Variants in TEX2 observed in about 807,000 individuals in gnomAD.
TEX2 encodes the protein testis-expressed protein 2.
TEX2 carries 53 observed loss-of-function variants against 106.9 expected under a neutral mutation model. That is an observed-to-expected ratio of 0.50 (90% CI 0.40 to 0.62). The LOEUF is 0.62. TEX2 is among the 20% of genes least tolerant of loss of function. TEX2 has a pLI of 0.00. For synonymous variants in TEX2, 523 were observed against 534.8 expected, an observed-to-expected ratio of 0.98 and a Z score of 0.30; for missense variants, 1,207 against 1,379.0, an observed-to-expected ratio of 0.88 and a Z score of 1.98.
At chr17:64,150,519 A>C in intron 11 of TEX2, 1 of 166,162 alleles carries the variant, frequency 6.0e-6, no homozygotes, top group Admixed American at 6.4e-5. Flanking sequence ...GAGTTGGGCA[A>C]GGCCAGGCCT....
At chr17:64,164,213 G>A (rs926655642) in intron 7 of TEX2, among the ~76,000 whole-genome samples, 11 of 152,062 alleles carry the variant, frequency 7.2e-5, no homozygotes, top group African/African-American at 1.4e-4. Flanking sequence ...TGAGGCAGGC[G>A]GATCACTTGA....
chr17:64,156,467 A>C lies in TEX2; in HGVS notation c.2805-1500T>G, dbSNP rs1250591425. On this transcript the variant is annotated intron_variant, in intron 8 of 11. Transcript: ENST00000584379. ...GTAACTGAGTCTTCCTCCTTCCACCAGAGGCCTGGCTGGTCCAGGAAATGC... is the reference window on the plus strand; with the variant it reads ...GTAACTGAGTCTTCCTCCTTCCACCCGAGGCCTGGCTGGTCCAGGAAATGC... Among the ~76,000 whole-genome samples, 2 of 152,204 alleles carry C rather than the reference A, an allele frequency of 1.3e-5. 1 individual carries two copies. Among genetic ancestry groups the C allele is most frequent in the Non-Finnish European group, 2.9e-5 (2 of 68,028 alleles).
rs2032048657 is a variant in TEX2 at position 64,185,709 on chromosome 17, G to C, written c.2424+2459C>G. On this transcript the variant is annotated intron_variant, in intron 5 of 11. Coordinates refer to ENST00000584379, the MANE Select transcript of TEX2 (RefSeq NM_001288732.2). This position sits in a 1 kb window ranked among gnomAD's most constrained non-coding sequence, Gnocchi z 4.0. ...AGGCCGAGGAGAGTGGATCACCAGA[G>C]GTCAGGAGTTCAAGACCAGCCTGGC... Among the ~76,000 whole-genome samples, 1 of 152,174 alleles carries C rather than the reference G, an allele frequency of 6.6e-6. No individual in the cohort carries two copies. The highest frequency in any genetic ancestry group is 2.1e-4 in the South Asian group (1 of 4,832).
At chr17:64,229,795 T>G (rs1206653525) in intron 1 of TEX2, among the ~76,000 whole-genome samples, 2 of 152,220 alleles carry the variant, frequency 1.3e-5, no homozygotes, top group African/African-American at 4.8e-5. Flanking sequence ...AAGCATTGAA[T>G]TTATTCCCTT....
At chr17:64,152,039 G>A (rs2030382411) in intron 10 of TEX2, among the ~76,000 whole-genome samples, 1 of 152,090 alleles carries the variant, frequency 6.6e-6, no homozygotes, top group African/African-American at 2.4e-5. Flanking sequence ...TAAATGGTTA[G>A]TCAATTCAAA....
intron 1 of TEX2, among the ~76,000 whole-genome samples, chr17:64,251,921 T>C (rs1555637048): frequency 6.6e-6 from 1 of 151,964 alleles, no homozygotes; most frequent in African/African-American, 2.4e-5. Flanking sequence ...CTGATGGCAG[T>C]GAGGGAGGTC....
Position 64,192,385 on chromosome 17 carries a change from G to A in TEX2, c.2176+1174C>T, listed in dbSNP as rs2032331185. ...TGACAGACAATGCCATGTGATGATAGGCCAGTGTGGAGTGATGCGGCTGCG... is the reference window on the plus strand; with the variant it reads ...TGACAGACAATGCCATGTGATGATAAGCCAGTGTGGAGTGATGCGGCTGCG... On this transcript the variant is annotated intron_variant, in intron 4 of 11. Transcript: ENST00000584379. 2.0e-5 allele frequency among the ~76,000 whole-genome samples: 3 copies of A among 152,322 alleles called. No individual in the cohort carries two copies. The South Asian group carries it at 6.2e-4, about 32-fold the overall frequency.
Position 64,213,563 on chromosome 17 carries a change from T to C in TEX2, c.655A>G (p.Lys219Glu). 5 of 1,614,138 alleles carry C rather than the reference T, an allele frequency of 3.1e-6. No individual in the cohort carries two copies. The highest frequency in any genetic ancestry group is 4.2e-6 in the Non-Finnish European group (5 of 1,180,016). ...RHRHLMKTLV[K>E]SLSTDTSRQE... is the part of the protein sequence containing the mutation. ...CGGGAAGTGTCCGTGGACAGAGACTTGACTAATGTCTTCATCAAGTGCCTG... is the reference window on the plus strand; with the variant it reads ...CGGGAAGTGTCCGTGGACAGAGACTCGACTAATGTCTTCATCAAGTGCCTG... The change falls in exon 2 of 12, where the codon AAG (lysine) becomes GAG (glutamate). Residue 219 changes from lysine to glutamate, a missense_variant. Lys to Glu is a moderately conservative substitution (Grantham distance 56). This residue lies in a region of TEX2 where 1,067 missense variants were observed against 1,193.6 expected (regional missense o/e 0.89). Transcript: ENST00000584379. The surrounding 1 kb of genome is among the most constrained non-coding windows in gnomAD (Gnocchi z 4.4).
intron 7 of TEX2, among the ~76,000 whole-genome samples, chr17:64,167,653 T>C (rs574144804): frequency 2.6e-5 from 4 of 152,182 alleles, no homozygotes; most frequent in African/African-American, 9.6e-5. Context: ...ACCCCCTCTC[T>C]ACTAAAAATA....
Position 64,177,371 on chromosome 17 carries a change from G to T in TEX2, c.2525C>A (p.Ser842Tyr), listed in dbSNP as rs772092371. 6.2e-7 allele frequency: 1 copy of T among 1,614,200 alleles called. No homozygotes were observed. The highest frequency in any genetic ancestry group is 8.5e-7 in the Non-Finnish European group (1 of 1,180,024). The part of the protein sequence containing the change: ...FWDFLGEKYW[S>Y]DLVSKKIQMK... ...TTGGATCTTCTTAGACACCAGATCAGACCAGTATTTCTCTCCTAAGAAGTC... is the reference window on the plus strand; with the variant it reads ...TTGGATCTTCTTAGACACCAGATCATACCAGTATTTCTCTCCTAAGAAGTC... The change falls in exon 6 of 12, where the codon TCT becomes TAT. Residue 842 changes from serine (S) to tyrosine (Y), a missense_variant. By Grantham distance (144) the Ser-to-Tyr change is moderately radical. Transcript: ENST00000584379.
intron 7 of TEX2, 72 bp from the exon 8 acceptor site, chr17:64,161,005 T>A: frequency 2.0e-6 from 3 of 1,507,668 alleles, no homozygotes; most frequent in South Asian, 1.2e-5. Flanking sequence ...GACTTACATT[T>A]AAAAATATCT....
At chr17:64,181,418 G>C (rs1315472904) in intron 5 of TEX2, among the ~76,000 whole-genome samples, 4 of 142,234 alleles carry the variant, frequency 2.8e-5, no homozygotes, top group Non-Finnish European at 6.0e-5. Flanking sequence ...AGAGGTTGCA[G>C]TGGGCCGAGA....
At chr17:64,235,157 T>G (rs1439140074) in intron 1 of TEX2, among the ~76,000 whole-genome samples, 2 of 152,238 alleles carry the variant, frequency 1.3e-5, no homozygotes, top group Admixed American at 1.3e-4. Flanking sequence ...CTATCTCATC[T>G]AAGCCTCACA....
chr17:64,238,322 A>G (rs1313660630), intron 1 of TEX2, among the ~76,000 whole-genome samples: 2 of 152,210 alleles, frequency 1.3e-5, no homozygotes, highest in African/African-American at 4.8e-5. Flanking sequence ...AAATAAAACT[A>G]AAATAAGACC....
At chr17:64,168,901 G>GATTTTTT in intron 7 of TEX2, among the ~76,000 whole-genome samples, 1 of 35,240 alleles carries the variant, frequency 2.8e-5, no homozygotes, top group South Asian at 7.8e-4. Flanking sequence ...CATAGATGGT[G>GATTTTTT]CTTTTTTTTT....
chr17:64,231,420 C>T (rs1555634582), intron 1 of TEX2, among the ~76,000 whole-genome samples: 1 of 152,200 alleles, frequency 6.6e-6, no homozygotes, highest in East Asian at 1.9e-4. Context: ...AACTCTGAGG[C>T]TGACTAAAGG....
chr17:64,248,569 T>G (rs1748005941), intron 1 of TEX2, among the ~76,000 whole-genome samples: 1 of 152,250 alleles, frequency 6.6e-6, no homozygotes, highest in Admixed American at 6.5e-5. Flanking sequence ...TAGCCTATTT[T>G]ATAAGCCTTT....
intron 7 of TEX2, among the ~76,000 whole-genome samples, chr17:64,162,549 C>T (rs1054705439): frequency 9.9e-5 from 15 of 152,196 alleles, no homozygotes; most frequent in African/African-American, 3.6e-4. Flanking sequence ...CAGAATTATA[C>T]TTCTTACAAA....
At chr17:64,249,038 G>T (rs868948178) in intron 1 of TEX2, among the ~76,000 whole-genome samples, 9 of 123,076 alleles carry the variant, frequency 7.3e-5, no homozygotes, top group African/African-American at 2.7e-4. Flanking sequence ...TTGTCTCAAA[G>T]AAAAAAAAAA....
Sources: allele counts gnomAD v4.1 joint callset (sites outside exome capture counted in the v4.1 genomes callset), GRCh38; gene constraint gnomAD v4.1.1; regional missense constraint gnomAD v4.1.1; non-coding constraint Gnocchi (gnomAD v3.1); transcripts MANE v1.5; gene names NCBI Gene and HGNC (gene_info 2026-07-23, HGNC 2026-07-21).